Variants in GNG4 observed in about 807,000 individuals in gnomAD.
The protein encoded by GNG4 is guanine nucleotide-binding protein G(I)/G(S)/G(O) subunit gamma-4.
Under a neutral mutation model 5.8 loss-of-function variants are expected in GNG4, and 4 were observed. That is an observed-to-expected ratio of 0.69 (90% CI 0.34 to 1.57). GNG4 has a LOEUF of 1.57. Ranked by LOEUF, GNG4 falls within the 40% of genes most tolerant of loss-of-function variation. The probability of loss-of-function intolerance (pLI) is 0.06; values close to 1 mark genes in which losing one functional copy is unlikely to be tolerated. For missense variants in GNG4, 96 were observed against 95.1 expected (o/e 1.01, Z -0.04); for synonymous variants, 29 against 32.9 (o/e 0.88, Z 0.41).
intron 1 of GNG4, among the ~76,000 whole-genome samples, chr1:235,608,140 G>T (rs1315246821): frequency 1.3e-5 from 2 of 151,956 alleles, no homozygotes; most frequent in Admixed American, 6.6e-5. Flanking sequence ...GTTTGACCTT[G>T]TTGGCCAGGA....
chr1:235,588,460 CCCAACTACCACCACTGTCTCCCA>C (rs1687880000), intron 2 of GNG4, among the ~76,000 whole-genome samples: 1 of 152,108 alleles, frequency 6.6e-6, no homozygotes, highest in Non-Finnish European at 1.5e-5. Context: ...AACAGCATGA[CCCAACTACCACCACTGTCTCCCA>C]AGAGCCGTCT....
At chr1:235,577,675 G>A (rs1378045620) in intron 3 of GNG4, among the ~76,000 whole-genome samples, 1 of 77,780 alleles carries the variant, frequency 1.3e-5, no homozygotes, top group Non-Finnish European at 2.5e-5. Context: ...TCCTGAACTC[G>A]TGATCCACCC....
intron 1 of GNG4, among the ~76,000 whole-genome samples, chr1:235,620,822 A>C (rs1688695707): frequency 1.3e-5 from 2 of 152,220 alleles, no homozygotes; most frequent in Admixed American, 6.5e-5. Context: ...GGCGTGAGCC[A>C]CTGCGCCCGG....
chr1:235,576,220 C>T lies in GNG4; in HGVS notation c.99+7520G>A, dbSNP rs562112535. ...GGACTACAGGCGCGTGCCACCATGC[C>T]GGGCTAATTTTTTTTTTGTATTTTA... On this transcript the variant is annotated intron_variant, in intron 3 of 3. Transcript: ENST00000391854. Among the ~76,000 whole-genome samples, 157 of 88,306 alleles carry T rather than the reference C, an allele frequency of 1.8e-3. 2 individuals carry two copies. The highest frequency in any genetic ancestry group is 8.9e-3 in the African/African-American group (133 of 14,996). The allele number at this position is 88,306 out of a possible 152,430, so 57.9% of individuals were successfully genotyped here.
intron 1 of GNG4, among the ~76,000 whole-genome samples, chr1:235,597,832 T>C (rs1688162223): frequency 6.6e-6 from 1 of 152,090 alleles, no homozygotes; most frequent in African/African-American, 2.4e-5. Flanking sequence ...TTCACCATGT[T>C]GGCCAGGCTA....
At chr1:235,558,109 C>A (rs1686965170) in intron 3 of GNG4, among the ~76,000 whole-genome samples, 1 of 152,198 alleles carries the variant, frequency 6.6e-6, no homozygotes, top group African/African-American at 2.4e-5. Flanking sequence ...TGCACCCATA[C>A]AACAGGAATG....
At chr1:235,607,774 G>A (rs77011756) in intron 1 of GNG4, among the ~76,000 whole-genome samples, 3,488 of 152,160 alleles carry the variant, frequency 0.023, 138 homozygotes, top group African/African-American at 0.079. Flanking sequence ...CAGAAGTCAT[G>A]AGGCCACCCT....
intron 1 of GNG4, among the ~76,000 whole-genome samples, chr1:235,631,575 CT>C (rs11307446): frequency 0.47 from 68,461 of 145,806 alleles, 16,182 homozygotes; most frequent in East Asian, 0.76. Context: ...TTCTTTCTTT[CT>C]TTTTTTTTTT....
Position 235,644,506 on chromosome 1 carries a change from G to A in GNG4, c.-123+5156C>T, listed in dbSNP as rs1209643687. 6.6e-6 allele frequency among the ~76,000 whole-genome samples: 1 copy of A among 152,196 alleles called. No individual in the cohort carries two copies. The highest frequency in any genetic ancestry group is 1.5e-5 in the Non-Finnish European group (1 of 68,038). ...CGCACACACCGTCAAACACATGCACGGTGTAGACTGAAGTCATCAGGTCTC... is the reference window on the plus strand; with the variant it reads ...CGCACACACCGTCAAACACATGCACAGTGTAGACTGAAGTCATCAGGTCTC... On this transcript the variant is annotated intron_variant, in intron 1 of 3. Transcript: ENST00000391854. This position sits in a 1 kb window ranked among gnomAD's most constrained non-coding sequence, Gnocchi z 5.9.
chr1:235,584,931 T>C (rs1240885870), intron 2 of GNG4, among the ~76,000 whole-genome samples: 1 of 152,212 alleles, frequency 6.6e-6, no homozygotes, highest in East Asian at 1.9e-4. Context: ...ATTAATTTAA[T>C]TGAGTATGTA....
intron 2 of GNG4, among the ~76,000 whole-genome samples, chr1:235,594,241 C>T (rs1305933119): frequency 6.6e-6 from 1 of 152,228 alleles, no homozygotes; most frequent in East Asian, 1.9e-4. Flanking sequence ...GAGCTAGACA[C>T]AGGGTGCTGA....
At position 235,642,480 on chromosome 1, in the gene GNG4, A is replaced by C. The variant is rs1322450101; in HGVS notation, c.-123+7182T>G. 6.6e-6 allele frequency among the ~76,000 whole-genome samples: 1 copy of C among 152,196 alleles called. No individual in the cohort carries two copies. The highest frequency in any genetic ancestry group is 6.5e-5 in the Admixed American group (1 of 15,280). ...GCGTCCGAGCCAATCCGTAAGCATC[A>C]GAGGGACAAAGAAATCATAAACAAG... On this transcript the variant is annotated intron_variant, in intron 1 of 3. Transcript: ENST00000391854. This position sits in a 1 kb window ranked among gnomAD's most constrained non-coding sequence, Gnocchi z 4.3.
chr1:235,593,023 A>G (rs898340370), intron 2 of GNG4, among the ~76,000 whole-genome samples: 2 of 148,182 alleles, frequency 1.3e-5, no homozygotes, highest in African/African-American at 5.0e-5. Context: ...ATCTCTGCTC[A>G]CTGCAACATC....
intron 1 of GNG4, among the ~76,000 whole-genome samples, chr1:235,596,221 C>A (rs1219064602): frequency 8.1e-5 from 12 of 147,428 alleles, no homozygotes; most frequent in Admixed American, 4.7e-4. Flanking sequence ...CACACACACA[C>A]ACACACACAC....
chr1:235,608,647 T>G (rs934148580), intron 1 of GNG4, among the ~76,000 whole-genome samples: 1 of 152,102 alleles, frequency 6.6e-6, no homozygotes, highest in Non-Finnish European at 1.5e-5. Flanking sequence ...GTGACTGGAT[T>G]CTTCCTTTGT....
At chr1:235,616,599 G>A (rs2102972943) in intron 1 of GNG4, among the ~76,000 whole-genome samples, 1 of 152,306 alleles carries the variant, frequency 6.6e-6, no homozygotes, top group Middle Eastern at 3.4e-3. Context: ...CCAGTCTCCA[G>A]GTAGTACCTC....
chr1:235,622,656 C>T (rs902764211), intron 1 of GNG4, among the ~76,000 whole-genome samples: 2 of 151,054 alleles, frequency 1.3e-5, no homozygotes, highest in Admixed American at 6.6e-5. Context: ...GTCAGCAGTT[C>T]GATCACCTGA....
chr1:235,643,461 C>G (rs1006211987), intron 1 of GNG4, among the ~76,000 whole-genome samples: 7 of 152,222 alleles, frequency 4.6e-5, no homozygotes. Flanking sequence ...CATGCACCCC[C>G]TCTAGGTTCT....
At chr1:235,646,169 A>G (rs927166219) in intron 1 of GNG4, among the ~76,000 whole-genome samples, 3 of 152,336 alleles carry the variant, frequency 2.0e-5, no homozygotes, top group East Asian at 1.9e-4. Context: ...CAACCCAGCA[A>G]CTCAGAGAGA....
Sources: allele counts gnomAD v4.1 joint callset (sites outside exome capture counted in the v4.1 genomes callset), GRCh38; gene constraint gnomAD v4.1.1; non-coding constraint Gnocchi (gnomAD v3.1); transcripts MANE v1.5; gene names NCBI Gene and HGNC (gene_info 2026-07-23, HGNC 2026-07-21).